Variants in UACA observed in about 807,000 individuals in gnomAD.
UACA encodes the protein uveal autoantigen with coiled-coil domains and ankyrin repeats, also known as nuclear membrane binding protein.
In UACA, 112 loss-of-function variants were observed where a neutral mutation model predicts 160.5. The ratio of observed to expected loss-of-function variants is 0.70; its 90% CI spans 0.60 to 0.82. The LOEUF is 0.82. Ranked by LOEUF, UACA falls within the 40% of genes least tolerant of loss-of-function variation. UACA has a pLI of 0.00. For synonymous variants in UACA, 557 were observed against 568.4 expected (o/e 0.98, Z 0.29); for missense variants, 1,574 against 1,614.6 (o/e 0.97, Z 0.43).
intron 11 of UACA, 26 bp downstream of exon 11, chr15:70,678,073 T>C: frequency 1.3e-6 from 2 of 1,498,026 alleles, no homozygotes; most frequent in South Asian, 1.2e-5. Flanking sequence ...AGACAGTTTA[T>C]TTTTCTATTA....
In UACA at chr15:70,668,391, T is replaced by G. The variant is rs115305380; in HGVS notation, c.2293A>C (p.Asn765His). The G allele has an allele frequency of 8.3e-4, 1,337 of 1,609,558 alleles. 10 individuals are homozygous for G. The African/African-American group carries it at 0.016, about 19-fold the overall frequency. The change falls in exon 16 of 19, where the codon AAT becomes CAT. Residue 765 changes from asparagine (N) to histidine (H), a missense_variant. By Grantham distance (68) the Asn-to-His change is moderately conservative. Coordinates refer to ENST00000322954, the MANE Select transcript of UACA (RefSeq NM_018003.4). ...TGTGTTACATCTAAAAGCTTTCTAT[T>G]AAGATCATCAATAATTGCATCATGT... ...KSHDAIIDDL[N>H]RKLLDVTQKY...
Position 70,682,772 on chromosome 15 carries a change from G to A in UACA, c.808C>T (p.Pro270Ser), listed in dbSNP as rs144905097. The change falls in exon 9 of 19, where the codon CCA (proline) becomes TCA (serine). Residue 270 changes from proline to serine, a missense_variant. Coordinates refer to ENST00000322954, the MANE Select transcript of UACA (RefSeq NM_018003.4). ...NKGRELWKKGPSLQQRNLTHM... is the reference protein window; with the variant it reads ...NKGRELWKKGSSLQQRNLTHM... ...TTAATATCTACCTGTTGCAAAGATG[G>A]CCCTTTCTTCCAAAGTTCTCTCCCT... 7.7e-6 allele frequency: 12 copies of A among 1,562,538 alleles called. No individual in the cohort carries two copies. The African/African-American group carries it at 9.6e-5, about 13-fold the overall frequency.
At chr15:70,701,431 T>A (rs908327783) in intron 1 of UACA, among the ~76,000 whole-genome samples, 2 of 152,258 alleles carry the variant, frequency 1.3e-5, no homozygotes, top group Admixed American at 1.3e-4. Context: ...ATGCTTGTTC[T>A]AGATTTGATT....
intron 16 of UACA, among the ~76,000 whole-genome samples, chr15:70,666,191 A>C (rs1024620092): frequency 1.3e-5 from 2 of 152,224 alleles, no homozygotes; most frequent in Non-Finnish European, 2.9e-5. Context: ...AAGGAGGATA[A>C]CATGTTAATG....
At chr15:70,671,837 T>G (rs949028429) in intron 14 of UACA, 128 bp downstream of exon 14, 2 of 604,134 alleles carry the variant, frequency 3.3e-6, no homozygotes, top group African/African-American at 3.8e-5. Flanking sequence ...TAGTTCCATG[T>G]GCTGATGAAG....
At chr15:70,709,192 A>G (rs1027634630) in intron 1 of UACA, among the ~76,000 whole-genome samples, 1 of 152,214 alleles carries the variant, frequency 6.6e-6, no homozygotes, top group African/African-American at 2.4e-5. Context: ...AGAAGCAGTA[A>G]ATTTTTTGAG....
At chr15:70,671,226 C>A in intron 14 of UACA, 135 bp from the exon 15 acceptor site, 1 of 513,910 alleles carries the variant, frequency 1.9e-6, no homozygotes, top group South Asian at 4.0e-5. Flanking sequence ...TATCCTCATT[C>A]TAAAATACCC....
In UACA at chr15:70,666,730, A is replaced by G. The variant is rs141557783; in HGVS notation, c.3954T>C (p.Asp1318=). The G allele has an allele frequency of 1.9e-6, 3 of 1,602,540 alleles. No individual in the cohort carries two copies. In the African/African-American group the frequency reaches 4.0e-5, roughly 22 times the overall value. Residue 1318 remains aspartate, a synonymous_variant, in exon 16 of 19, where the codon GAT becomes GAC. Coordinates refer to ENST00000322954, the MANE Select transcript of UACA (RefSeq NM_018003.4). ...QESAKQIEAK[D]NKITELLNDV... ...CAGACTACTTTGTACCTACCTTATT[A>G]TCTTTTGCTTCTATTTGTTTAGCAG...
intron 1 of UACA, among the ~76,000 whole-genome samples, chr15:70,705,508 C>A (rs1363260778): frequency 6.6e-6 from 1 of 151,974 alleles, no homozygotes; most frequent in African/African-American, 2.4e-5. Context: ...TGCACCCCAA[C>A]TTGGGCAACA....
chr15:70,741,089 A>T (rs1899521708), intron 1 of UACA, among the ~76,000 whole-genome samples: 1 of 152,162 alleles, frequency 6.6e-6, no homozygotes, highest in African/African-American at 2.4e-5. Context: ...GGCTGAGAGT[A>T]GGGAGAGGAA....
At chr15:70,660,102 T>C in intron 18 of UACA, 49 bp downstream of exon 18, 5 of 1,452,716 alleles carry the variant, frequency 3.4e-6, no homozygotes, top group Non-Finnish European at 4.7e-6. Flanking sequence ...AAATAAAAAA[T>C]TATTATCTCT....
Position 70,677,153 on chromosome 15 carries a change from A to G in UACA, c.1000-13T>C. On this transcript the variant is annotated splice_polypyrimidine_tract_variant and intron_variant, in intron 11 of 18. Coordinates refer to ENST00000322954, the MANE Select transcript of UACA (RefSeq NM_018003.4). ...CAACCATAACTTCCTAAATTTAAAA[A>G]GAACACAAAATATTTTAATTCTTAA... The G allele has an allele frequency of 6.3e-7, 1 of 1,591,192 alleles. No homozygotes were observed. Among genetic ancestry groups the G allele is most frequent in the Non-Finnish European group, 8.6e-7 (1 of 1,165,030 alleles).
chr15:70,762,102 C>T (rs1474003660), intron 1 of UACA, among the ~76,000 whole-genome samples: 2 of 151,850 alleles, frequency 1.3e-5, no homozygotes, highest in African/African-American at 4.8e-5. Context: ...GCTTATAAAA[C>T]GACTTCATGC....
At chr15:70,772,808 G>A in the UACA span, among the ~76,000 whole-genome samples, 1 of 152,104 alleles carries the variant, frequency 6.6e-6, no homozygotes, top group Admixed American at 6.5e-5. Flanking sequence ...CAAAGAGAAG[G>A]CTGGGTGTGG....
chr15:70,684,264 C>G lies in UACA; in HGVS notation c.784+1G>C, dbSNP rs536871154. 6.3e-7 allele frequency: 1 copy of G among 1,598,976 alleles called. No homozygotes were observed. The highest frequency in any genetic ancestry group is 8.5e-7 in the Non-Finnish European group (1 of 1,174,534). On this transcript the variant is annotated splice_donor_variant, in intron 8 of 18. Coordinates refer to ENST00000322954, the MANE Select transcript of UACA (RefSeq NM_018003.4). LOFTEE classifies it high-confidence loss of function. Reference sequence around the variant, plus strand: ...TTCTAGTTACAGAAAACTGCTGATACCTTTGTTGGTATTTTCCGATGCAGT... The same window carrying G: ...TTCTAGTTACAGAAAACTGCTGATAGCTTTGTTGGTATTTTCCGATGCAGT...
upstream of UACA, among the ~76,000 whole-genome samples, chr15:70,764,097 G>T (rs1199712896): frequency 2.6e-5 from 4 of 152,156 alleles, no homozygotes; most frequent in Admixed American, 6.5e-5. Context: ...GCAGAAAAAC[G>T]TACAGTTAAG....
At chr15:70,675,061 T>C (rs1897266303) in intron 13 of UACA, among the ~76,000 whole-genome samples, 1 of 152,216 alleles carries the variant, frequency 6.6e-6, no homozygotes, top group African/African-American at 2.4e-5. Flanking sequence ...AGCATTGTAG[T>C]TAAAAGCACA....
the UACA span, among the ~76,000 whole-genome samples, chr15:70,769,853 T>C: frequency 6.6e-6 from 1 of 152,138 alleles, no homozygotes; most frequent in African/African-American, 2.4e-5. Flanking sequence ...AAAAATTGGC[T>C]GGCTGTGGTG....
At chr15:70,711,227 G>A (rs188087252) in intron 1 of UACA, among the ~76,000 whole-genome samples, 59 of 152,168 alleles carry the variant, frequency 3.9e-4, no homozygotes, top group African/African-American at 1.3e-3. Context: ...GACCTCCTTT[G>A]CACAATATAG....
Sources: gnomAD v4.1 joint callset for allele counts (sites outside exome capture counted in the v4.1 genomes callset) on GRCh38, gnomAD v4.1.1 for gene constraint, MANE v1.5 for transcripts, NCBI Gene and HGNC (gene_info 2026-07-23, HGNC 2026-07-21) for gene names.